Variants in LRTM1 observed in about 807,000 individuals in gnomAD.
LRTM1 encodes the protein leucine rich repeat transmembrane protein 1, also known as leucine-rich repeat and transmembrane domain-containing protein 1.
A neutral mutation model predicts 32.4 loss-of-function variants in LRTM1; 38 were observed. That is an observed-to-expected ratio of 1.17 (90% CI 0.91 to 1.54). The LOEUF (loss-of-function observed/expected upper bound fraction) is 1.54, where lower values mean the gene tolerates loss of function less well. Among genes scored for constraint, LRTM1 ranks in the 40% most tolerant of loss-of-function variants. The probability of loss-of-function intolerance (pLI) is 0.00; values close to 1 mark genes in which losing one functional copy is unlikely to be tolerated. For synonymous variants in LRTM1, 186 were observed against 169.9 expected, an observed-to-expected ratio of 1.09 and a Z score of -0.74; for missense variants, 466 against 415.4, an observed-to-expected ratio of 1.12 and a Z score of -1.06.
chr3:54,927,009 A>G (rs1701041631), intron 1 of LRTM1, among the ~76,000 whole-genome samples: 1 of 152,202 alleles, frequency 6.6e-6, no homozygotes, highest in Non-Finnish European at 1.5e-5. Flanking sequence ...ACATCTGCCA[A>G]GGGCATTTTA....
chr3:54,954,265 C>T (rs778436668), intron 1 of LRTM1, among the ~76,000 whole-genome samples: 2 of 152,206 alleles, frequency 1.3e-5, no homozygotes, highest in Non-Finnish European at 2.9e-5. Context: ...CGGCAGCTCC[C>T]TGGGCCTCAC....
intron 1 of LRTM1, among the ~76,000 whole-genome samples, chr3:54,958,957 G>A (rs994332230): frequency 6.6e-6 from 1 of 151,860 alleles, no homozygotes; most frequent in Admixed American, 6.6e-5. Flanking sequence ...CACAAAAATT[G>A]AGGCATGGTG....
intron 1 of LRTM1, among the ~76,000 whole-genome samples, chr3:54,961,300 A>T (rs377455216): frequency 6.6e-6 from 1 of 152,248 alleles, no homozygotes; most frequent in Non-Finnish European, 1.5e-5. Flanking sequence ...TGATTAAGAA[A>T]TATGACCAGC....
intron 1 of LRTM1, among the ~76,000 whole-genome samples, chr3:54,949,623 C>T (rs1236769501): frequency 1.3e-5 from 2 of 152,186 alleles, no homozygotes; most frequent in African/African-American, 2.4e-5. Context: ...CATTCTCAAG[C>T]GCATTGGTCA....
At chr3:54,922,052 C>T (rs558316367) in intron 2 of LRTM1, among the ~76,000 whole-genome samples, 40 of 152,134 alleles carry the variant, frequency 2.6e-4, no homozygotes, top group Non-Finnish European at 4.7e-4. Flanking sequence ...GTCTTATTAC[C>T]CCAAATCAAT....
At chr3:54,927,063 A>G (rs895780980) in intron 1 of LRTM1, among the ~76,000 whole-genome samples, 16 of 152,244 alleles carry the variant, frequency 1.1e-4, no homozygotes, top group Non-Finnish European at 1.9e-4. Context: ...AGTAATATCC[A>G]AAACTCAAAA....
chr3:54,944,909 G>A (rs535362806), intron 1 of LRTM1, among the ~76,000 whole-genome samples: 1 of 151,878 alleles, frequency 6.6e-6, no homozygotes, highest in East Asian at 1.9e-4. Flanking sequence ...CAAGGTGAAG[G>A]CTCTCCCCAA....
In LRTM1 at chr3:54,918,662, G is replaced by A. The variant is rs749103100; in HGVS notation, c.835C>T (p.Pro279Ser). 3.7e-6 allele frequency: 6 copies of A among 1,614,142 alleles called. No individual in the cohort carries two copies. In the Admixed American group the frequency reaches 1.0e-4, roughly 27 times the overall value. ...LECELKPKPR[P>S]ANLRHAIATV... is the part of the protein sequence containing the mutation. Reference sequence around the variant, plus strand: ...GCAATGGCATGACGCAGGTTGGCCGGCCTTGGCTTGGGTTTGAGCTCGCAC... The same window carrying A: ...GCAATGGCATGACGCAGGTTGGCCGACCTTGGCTTGGGTTTGAGCTCGCAC... The change falls in exon 3 of 3, where the codon CCG becomes TCG. Residue 279 changes from proline to serine, a missense_variant. Transcript: ENST00000273286.
intron 1 of LRTM1, among the ~76,000 whole-genome samples, chr3:54,944,614 G>T (rs1014102763): frequency 1.3e-5 from 2 of 151,950 alleles, no homozygotes; most frequent in Non-Finnish European, 2.9e-5. Flanking sequence ...GTAGAGACAG[G>T]GTTTCACCGT....
chr3:54,927,904 C>A lies in LRTM1; in HGVS notation c.7+1G>T, dbSNP rs778212553. On this transcript the variant is annotated splice_donor_variant, in intron 1 of 2. Transcript: ENST00000273286. LOFTEE classifies it high-confidence loss of function. The stretch of plus-strand genomic sequence containing the variant: ...TCCAACGGGAATTGATCAGGGCTCA[C>A]CTTTCATGACTGAGTCTCCTTGGGC... 14 of 1,613,608 alleles carry A rather than the reference C, an allele frequency of 8.7e-6. No homozygotes were observed. The highest frequency in any genetic ancestry group is 1.1e-5 in the Non-Finnish European group (13 of 1,179,744).
intron 1 of LRTM1, among the ~76,000 whole-genome samples, chr3:54,939,647 C>T (rs1272530674): frequency 6.6e-6 from 1 of 152,214 alleles, no homozygotes; most frequent in Non-Finnish European, 1.5e-5. Context: ...TCCCCCAGAA[C>T]GGAGCTATCA....
At chr3:54,930,289 G>C (rs1468971272), upstream of LRTM1, among the ~76,000 whole-genome samples, 1 of 152,096 alleles carries the variant, frequency 6.6e-6, no homozygotes, top group African/African-American at 2.4e-5. Context: ...CTCTCCTGTT[G>C]CCTCATCTAT....
chr3:54,925,274 C>G (rs1575380187), intron 1 of LRTM1, 59 bp from the exon 2 acceptor site: 3 of 1,378,096 alleles, frequency 2.2e-6, no homozygotes, highest in African/African-American at 2.9e-5. Flanking sequence ...GGTATCAGCA[C>G]TTTTCCGCCT....
chr3:54,936,139 A>G (rs778037588), intron 1 of LRTM1, among the ~76,000 whole-genome samples: 8 of 151,488 alleles, frequency 5.3e-5, no homozygotes, highest in Non-Finnish European at 7.4e-5. Flanking sequence ...AGGGTTAAAC[A>G]GTTTTTTATC....
chr3:54,922,585 G>T (rs757995327), intron 2 of LRTM1, among the ~76,000 whole-genome samples: 1 of 152,060 alleles, frequency 6.6e-6, no homozygotes, highest in Non-Finnish European at 1.5e-5. Context: ...AATATCGTAC[G>T]TTTTAACCCA....
chr3:54,944,359 T>A (rs1701554565), intron 1 of LRTM1, among the ~76,000 whole-genome samples: 1 of 152,050 alleles, frequency 6.6e-6, no homozygotes, highest in Non-Finnish European at 1.5e-5. Flanking sequence ...TTAAATTCAT[T>A]TGTATATTTT....
At position 54,918,332 on chromosome 3, in the gene LRTM1, C is replaced by CTTTTTTTTTTTTTTT. The variant is rs533596688; in HGVS notation, c.*112_*126dup. 1,212 of 228,060 alleles carry CTTTTTTTTTTTTTTT rather than the reference C, an allele frequency of 5.3e-3. 44 individuals are homozygous for CTTTTTTTTTTTTTTT. The highest frequency in any genetic ancestry group is 7.5e-3 in the Non-Finnish European group (946 of 126,180). The allele number at this position is 228,060 out of a possible 1,614,324, so 14.1% of individuals were successfully genotyped here. On this transcript the variant is annotated 3_prime_UTR_variant, in exon 3 of 3. Coordinates refer to ENST00000273286, the MANE Select transcript of LRTM1 (RefSeq NM_020678.4). ...TTTTACAGACACATCTTTTTTTTTT[C>CTTTTTTTTTTTTTTT]TTTTTTTTTTTTTTTTTTTTTTTGT...
chr3:54,954,630 A>G (rs972401273), intron 1 of LRTM1, among the ~76,000 whole-genome samples: 1 of 152,180 alleles, frequency 6.6e-6, no homozygotes, highest in East Asian at 1.9e-4. Flanking sequence ...TGGAGAAGAC[A>G]GGGTGCAGAG....
intron 1 of LRTM1, among the ~76,000 whole-genome samples, chr3:54,951,820 T>G (rs1397137609): frequency 6.6e-6 from 1 of 152,206 alleles, no homozygotes; most frequent in Non-Finnish European, 1.5e-5. Context: ...TAATTCTATT[T>G]TCTGTCTTCT....
Sources: allele counts gnomAD v4.1 joint callset (sites outside exome capture counted in the v4.1 genomes callset), GRCh38; gene constraint gnomAD v4.1.1; transcripts MANE v1.5; gene names NCBI Gene and HGNC (gene_info 2026-07-23, HGNC 2026-07-21).